The following PTPRT variants were observed in gnomAD, a reference collection of about 807,000 sequenced individuals.
PTPRT encodes the protein receptor-type tyrosine-protein phosphatase T.
In PTPRT, 56 loss-of-function variants were observed where a neutral mutation model predicts 176.8. The observed-to-expected ratio is 0.32, with a 90% CI of 0.26 to 0.40. The LOEUF (loss-of-function observed/expected upper bound fraction) is 0.40, where lower values mean the gene tolerates loss of function less well. Among genes scored for constraint, PTPRT ranks in the 10% least tolerant of loss-of-function variants. The probability of loss-of-function intolerance (pLI) is 1.00; values close to 1 mark genes in which losing one functional copy is unlikely to be tolerated. For missense variants in PTPRT, 1,540 were observed against 1,908.2 expected (o/e 0.81, Z 3.60); for synonymous variants, 783 against 739.0 (o/e 1.06, Z -0.96).
intron 13 of PTPRT, among the ~76,000 whole-genome samples, chr20:42,279,630 A>G (rs945966418): frequency 1.3e-5 from 2 of 152,346 alleles, no homozygotes; most frequent in East Asian, 1.9e-4. Context: ...GCTGGGTGGT[A>G]CTAAATTAGA....
At chr20:42,876,094 A>G (rs189638506) in intron 2 of PTPRT, among the ~76,000 whole-genome samples, 314 of 152,222 alleles carry the variant, frequency 2.1e-3, no homozygotes, top group Non-Finnish European at 2.7e-3. Flanking sequence ...ACACATCAAT[A>G]TGTTAATGGT....
intron 2 of PTPRT, among the ~76,000 whole-genome samples, chr20:42,810,352 C>A (rs1394741364): frequency 6.6e-6 from 1 of 152,026 alleles, no homozygotes; most frequent in East Asian, 1.9e-4. Flanking sequence ...AGATGACCTA[C>A]CTGGATGTTG....
chr20:42,122,620 C>T (rs1411416901), intron 19 of PTPRT, among the ~76,000 whole-genome samples: 1 of 152,198 alleles, frequency 6.6e-6, no homozygotes, highest in African/African-American at 2.4e-5. Flanking sequence ...TCACTCATTC[C>T]CACAGCCCTC....
intron 16 of PTPRT, among the ~76,000 whole-genome samples, chr20:42,175,688 A>C (rs76150139): frequency 0.024 from 3,680 of 152,054 alleles, 92 homozygotes; most frequent in Middle Eastern, 0.058. Context: ...TCAAAGGAAA[A>C]AACCAGACTC....
Position 42,957,856 on chromosome 20 carries a change from T to A in PTPRT, c.89-71924A>T, listed in dbSNP as rs544460322. 3.2e-4 allele frequency among the ~76,000 whole-genome samples: 49 copies of A among 152,242 alleles called. 1 individual carries two copies. In the South Asian group the frequency reaches 0.01, roughly 32 times the overall value. On this transcript the variant is annotated intron_variant, in intron 1 of 30. Coordinates refer to ENST00000373187, the MANE Select transcript of PTPRT (RefSeq NM_007050.6). ...TATTAGCTCAGAGGAAAGTTGGTAA[T>A]TGAGATGGTCCCAGGATTCCAGGAG...
At chr20:43,128,975 C>T (rs1035684998) in intron 1 of PTPRT, among the ~76,000 whole-genome samples, 2 of 152,212 alleles carry the variant, frequency 1.3e-5, no homozygotes, top group Non-Finnish European at 2.9e-5. Context: ...ACAGTACATG[C>T]ATGCGTGTGT....
chr20:42,945,505 A>T (rs1056421738), intron 1 of PTPRT, among the ~76,000 whole-genome samples: 34 of 152,184 alleles, frequency 2.2e-4, no homozygotes, highest in Non-Finnish European at 7.3e-5. Flanking sequence ...CCAACAAAAC[A>T]TGGAAGAGAC....
intron 6 of PTPRT, chr20:42,687,733 G>C (rs1292175675): frequency 2.0e-5 from 3 of 152,176 alleles, no homozygotes; most frequent in African/African-American, 7.2e-5. Context: ...AAGCAGCCCT[G>C]CTATGAAGAA....
intron 2 of PTPRT, among the ~76,000 whole-genome samples, chr20:42,839,983 A>T (rs2078248889): frequency 2.0e-5 from 3 of 152,098 alleles, no homozygotes; most frequent in Non-Finnish European, 4.4e-5. Context: ...TTACTAGTAT[A>T]TTGGTTTCCT....
rs1229253735 is a variant in PTPRT, at chr20:42,079,742, C to G, written c.*1137G>C. 4.4e-6 allele frequency: 1 copy of G among 229,096 alleles called. No individual in the cohort carries two copies. The highest frequency in any genetic ancestry group is 8.7e-6 in the Non-Finnish European group (1 of 115,550). The allele number at this position is 229,096 out of a possible 1,614,324, so 14.2% of individuals were successfully genotyped here. On this transcript the variant is annotated 3_prime_UTR_variant, in exon 31 of 31. Transcript: ENST00000373187. ...TAGGAAGGAGTTCAAATTTGGACAT[C>G]CAAATTATGCACAAAGCTGGTGCTC...
intron 6 of PTPRT, among the ~76,000 whole-genome samples, chr20:42,698,629 C>T (rs926565503): frequency 6.6e-6 from 1 of 152,108 alleles, no homozygotes; most frequent in Non-Finnish European, 1.5e-5. Flanking sequence ...AGAATCTATG[C>T]GGGAAGTTAA....
intron 3 of PTPRT, among the ~76,000 whole-genome samples, chr20:42,784,497 A>G (rs1208621013): frequency 6.6e-6 from 1 of 152,140 alleles, no homozygotes; most frequent in Non-Finnish European, 1.5e-5. Context: ...TAAGACAAGG[A>G]GGAGGATTTG....
chr20:42,283,926 A>C (rs1290393701), intron 12 of PTPRT, among the ~76,000 whole-genome samples: 6 of 152,120 alleles, frequency 3.9e-5, no homozygotes, highest in African/African-American at 1.2e-4. Context: ...CCCCATAATT[A>C]ATCTCATAGT....
chr20:42,239,118 A>G (rs1290696577), intron 14 of PTPRT, among the ~76,000 whole-genome samples: 8 of 152,168 alleles, frequency 5.3e-5, no homozygotes, highest in Admixed American at 1.3e-4. Flanking sequence ...TCATCCACAG[A>G]GATAAGGTTT....
At chr20:43,090,823 A>C (rs1200761445) in intron 1 of PTPRT, among the ~76,000 whole-genome samples, 1 of 152,204 alleles carries the variant, frequency 6.6e-6, no homozygotes, top group Admixed American at 6.5e-5. Context: ...TCATAGACAA[A>C]ATAAACAGGA....
In PTPRT at chr20:42,087,069, T is replaced by C. The variant is rs151278552; in HGVS notation, c.3847-1216A>G. ...CATCTGGGCAATGTCTGAAGACATT[T>C]TGATTGTCACACCTGCGGGTTGCTA... On this transcript the variant is annotated intron_variant, in intron 27 of 30. Transcript: ENST00000373187. 2.8e-3 allele frequency among the ~76,000 whole-genome samples: 432 copies of C among 151,788 alleles called. 8 individuals are homozygous for C. In the East Asian group the frequency reaches 0.061, roughly 22 times the overall value.
At chr20:42,499,528 G>A (rs1422581326) in intron 7 of PTPRT, among the ~76,000 whole-genome samples, 1 of 151,996 alleles carries the variant, frequency 6.6e-6, no homozygotes, top group African/African-American at 2.4e-5. Flanking sequence ...CTGACCTTGC[G>A]ATCCAGCTGC....
At position 42,248,809 on chromosome 20, in the gene PTPRT, C is replaced by T. The variant is rs201441123; in HGVS notation, c.2190G>A (p.Gln730=). The change falls in exon 14 of 31, where the codon CAG becomes CAA. Residue 730 remains glutamine (Q), a synonymous_variant. Transcript: ENST00000373187. ...TCTCTGGCTCCACAGTGTTAGAATT[C>T]TGGGTGGAGGCACCTAGGAAGGGAA... ...VRLATKGAST[Q]NSNTVEPEKQ... The T allele has an allele frequency of 1.2e-6, 2 of 1,613,924 alleles. No homozygotes were observed. Among genetic ancestry groups the T allele is most frequent in the East Asian group, 2.2e-5 (1 of 44,870 alleles).
At chr20:43,054,066 G>C (rs972374081) in intron 1 of PTPRT, among the ~76,000 whole-genome samples, 2 of 152,088 alleles carry the variant, frequency 1.3e-5, no homozygotes, top group African/African-American at 4.8e-5. Context: ...AGCAACAATA[G>C]AGAAACCACA....
Sources: gnomAD v4.1 joint callset for allele counts (sites outside exome capture counted in the v4.1 genomes callset) on GRCh38, gnomAD v4.1.1 for gene constraint, MANE v1.5 for transcripts, NCBI Gene and HGNC (gene_info 2026-07-23, HGNC 2026-07-21) for gene names.